FBN2: variants seen among roughly 807,000 people sequenced by gnomAD.
FBN2 encodes the protein fibrillin-2.
FBN2 carries 105 observed loss-of-function variants against 355.6 expected under a neutral mutation model. The observed-to-expected ratio is 0.30, with a 90% CI of 0.25 to 0.35. The LOEUF (loss-of-function observed/expected upper bound fraction) is 0.35, where lower values mean the gene tolerates loss of function less well. Among genes scored for constraint, FBN2 ranks in the 10% least tolerant of loss-of-function variants. The pLI is 1.00. For missense variants in FBN2, 3,280 were observed against 3,758.7 expected (o/e 0.87, Z 3.33); for synonymous variants, 1,350 against 1,301.2 (o/e 1.04, Z -0.81).
chr5:128,528,755 T>C (rs66968874), intron 3 of FBN2, among the ~76,000 whole-genome samples: 29,583 of 152,094 alleles, frequency 0.19, 3,016 homozygotes, highest in Non-Finnish European at 0.23. Context: ...CAGGGAGTCA[T>C]TGAAAGGATT....
chr5:128,379,446 T>C (rs1319146087), intron 11 of FBN2, among the ~76,000 whole-genome samples: 1 of 152,112 alleles, frequency 6.6e-6, no homozygotes, highest in Admixed American at 6.6e-5. Flanking sequence ...TAAAAAAACA[T>C]GAGGGAGTAG....
intron 3 of FBN2, among the ~76,000 whole-genome samples, chr5:128,529,313 G>C (rs1756646299): frequency 1.3e-5 from 2 of 152,054 alleles, no homozygotes; most frequent in Admixed American, 6.6e-5. Context: ...ACATAGAAAA[G>C]AGACTAAAAA....
chr5:128,345,483 C>T lies in FBN2; in HGVS notation c.3091G>A (p.Ala1031Thr), dbSNP rs765153116. Residue 1031 changes from alanine (A) to threonine (T), a missense_variant, in exon 24 of 65, where the codon GCG becomes ACG. Physicochemically the swap from Ala to Thr is moderately conservative, Grantham distance 58. Transcript: ENST00000262464. ...RMDACCCAVGAAWGTECEECP... is the reference protein window; with the variant it reads ...RMDACCCAVGTAWGTECEECP... ...TCCTCACACTCGGTGCCCCAAGCCG[C>T]CCCGACAGCACAGCAGCAGGCATCC... 4 of 1,614,192 alleles carry T rather than the reference C, an allele frequency of 2.5e-6. No individual in the cohort carries two copies. The South Asian group carries it at 4.4e-5, about 18-fold the overall frequency.
At chr5:128,419,925 C>T (rs1284645031) in intron 7 of FBN2, among the ~76,000 whole-genome samples, 1 of 152,156 alleles carries the variant, frequency 6.6e-6, no homozygotes, top group Non-Finnish European at 1.5e-5. Flanking sequence ...AAACTCCCAA[C>T]CTCAGGTGAT....
At chr5:128,291,385 G>A (rs1448931432) in intron 49 of FBN2, 144 bp downstream of exon 49, 2 of 876,274 alleles carry the variant, frequency 2.3e-6, no homozygotes, top group African/African-American at 1.7e-5. Flanking sequence ...CATTGCTTAT[G>A]TTTGAGACCT....
At chr5:128,398,403 T>C (rs1209315575) in intron 8 of FBN2, among the ~76,000 whole-genome samples, 1 of 150,458 alleles carries the variant, frequency 6.6e-6, no homozygotes, top group Non-Finnish European at 1.5e-5. Flanking sequence ...AAATTATATT[T>C]AATATATTTA....
intron 7 of FBN2, among the ~76,000 whole-genome samples, chr5:128,439,134 T>C (rs1054326446): frequency 1.3e-5 from 2 of 152,178 alleles, no homozygotes; most frequent in Non-Finnish European, 2.9e-5. Flanking sequence ...TTTAATTGAA[T>C]CAGTCCACTA....
intron 36 of FBN2, among the ~76,000 whole-genome samples, chr5:128,314,078 C>G (rs113214396): frequency 2.0e-5 from 3 of 152,020 alleles, no homozygotes; most frequent in Non-Finnish European, 4.4e-5. Flanking sequence ...CCTTCAATAG[C>G]ATTACCTTAG....
chr5:128,359,609 C>G (rs1370578612), intron 19 of FBN2, among the ~76,000 whole-genome samples: 2 of 152,086 alleles, frequency 1.3e-5, no homozygotes, highest in East Asian at 3.8e-4. Flanking sequence ...ATTTACATAA[C>G]ATGAACTTCT....
At chr5:128,527,689 C>A (rs1756598288) in intron 4 of FBN2, among the ~76,000 whole-genome samples, 183 bp downstream of exon 4, 1 of 151,730 alleles carries the variant, frequency 6.6e-6, no homozygotes, top group African/African-American at 2.4e-5. Flanking sequence ...CTCTAAAGCA[C>A]AAAATTCTAA....
chr5:128,492,276 G>A (rs901946966), intron 5 of FBN2, among the ~76,000 whole-genome samples: 1 of 152,044 alleles, frequency 6.6e-6, no homozygotes, highest in Admixed American at 6.5e-5. Context: ...ATTAAAAGAG[G>A]GTAAACACCC....
intron 10 of FBN2, 60 bp downstream of exon 10, chr5:128,393,075 A>G (rs1018187554): frequency 3.1e-6 from 4 of 1,270,822 alleles, no homozygotes; most frequent in Admixed American, 3.4e-5. Flanking sequence ...ATTATGTTAG[A>G]TATTATAATG....
chr5:128,320,221 A>ATT lies in FBN2; in HGVS notation c.4472-1222_4472-1221dup, dbSNP rs200693280. Among the ~76,000 whole-genome samples the ATT allele has an allele frequency of 7.6e-5, 11 of 143,954 alleles. No homozygotes were observed. The East Asian group carries it at 8.1e-4, about 11-fold the overall frequency. 94.4% of individuals were successfully genotyped at this position (143,954 alleles called of 152,430 possible). ...TGTATTATTATCCTTCTGACTATGC[A>ATT]TTTTTTTTTTTTTCAGACAGGTTCT... On this transcript the variant is annotated intron_variant, in intron 34 of 64. Coordinates refer to ENST00000262464, the MANE Select transcript of FBN2 (RefSeq NM_001999.4).
chr5:128,302,823 T>C (rs1749755885), intron 46 of FBN2, 150 bp downstream of exon 46: 1 of 654,302 alleles, frequency 1.5e-6, no homozygotes, highest in South Asian at 1.8e-5. Flanking sequence ...TTCAGTTAAC[T>C]AGAAACCAGT....
chr5:128,473,538 C>T (rs2127096940), intron 5 of FBN2, among the ~76,000 whole-genome samples: 1 of 152,250 alleles, frequency 6.6e-6, no homozygotes, highest in African/African-American at 2.4e-5. Flanking sequence ...TGAGATTCAC[C>T]TTTGAGATCC....
chr5:128,453,546 TAA>T (rs1371550666), intron 6 of FBN2, among the ~76,000 whole-genome samples: 1 of 152,222 alleles, frequency 6.6e-6, no homozygotes, highest in Non-Finnish European at 1.5e-5. Flanking sequence ...TTCCTTGAGA[TAA>T]GAGAGAAGTA....
chr5:128,264,342 A>AC (rs58717912), intron 62 of FBN2, among the ~76,000 whole-genome samples: 147,233 of 152,264 alleles, frequency 0.97, 71,220 homozygotes, highest in East Asian at 1. Flanking sequence ...TGAACGAACA[A>AC]CTAGTTCAGT....
At chr5:128,289,387 C>G in intron 51 of FBN2, 135 bp from the exon 52 acceptor site, 1 of 848,010 alleles carries the variant, frequency 1.2e-6, no homozygotes, top group Non-Finnish European at 2.0e-6. Context: ...AGCTTGAGAC[C>G]AGCCTGGGCA....
At chr5:128,355,903 T>C (rs902773640) in intron 20 of FBN2, among the ~76,000 whole-genome samples, 19 of 152,160 alleles carry the variant, frequency 1.2e-4, no homozygotes, top group African/African-American at 4.3e-4. Context: ...AAAGTCTTTG[T>C]TCTTGTTTAG....
Sources: allele counts gnomAD v4.1 joint callset (sites outside exome capture counted in the v4.1 genomes callset), GRCh38; gene constraint gnomAD v4.1.1; transcripts MANE v1.5; gene names NCBI Gene and HGNC (gene_info 2026-07-23, HGNC 2026-07-21).